Variants in CCDC138 observed in about 807,000 individuals in gnomAD.
The protein encoded by CCDC138 is coiled-coil domain containing 138.
Under a neutral mutation model 82.3 loss-of-function variants are expected in CCDC138, and 66 were observed. The ratio of observed to expected loss-of-function variants is 0.80; its 90% CI spans 0.66 to 0.98. CCDC138 has a LOEUF of 0.98. CCDC138 is among the 50% of genes least tolerant of loss of function. The pLI is 0.00. For synonymous variants in CCDC138, 297 were observed against 265.4 expected (o/e 1.12, Z -1.16); for missense variants, 816 against 758.9 (o/e 1.08, Z -0.88).
At position 108,845,606 on chromosome 2, in the gene CCDC138, C is replaced by T. The variant is rs530456600; in HGVS notation, c.1324-1132C>T. ...TTTTTTTTTGAGATGGAGTCTCGCT[C>T]TGTCACCCAGGCTGGAGTGCAGTGG... On this transcript the variant is annotated intron_variant, in intron 11 of 14. Transcript: ENST00000295124. 2.9e-5 allele frequency among the ~76,000 whole-genome samples: 4 copies of T among 139,206 alleles called. No homozygotes were observed. The East Asian group carries it at 8.3e-4, about 29-fold the overall frequency. 91.3% of individuals were successfully genotyped at this position (139,206 alleles called of 152,430 possible).
intron 12 of CCDC138, among the ~76,000 whole-genome samples, chr2:108,847,906 G>C (rs1305050769): frequency 1.3e-5 from 2 of 152,048 alleles, no homozygotes; most frequent in African/African-American, 2.4e-5. Context: ...CAATAGACTA[G>C]GTGGTTAGTG....
intron 10 of CCDC138, among the ~76,000 whole-genome samples, chr2:108,828,666 C>G (rs910488793): frequency 6.6e-6 from 1 of 152,108 alleles, no homozygotes; most frequent in Non-Finnish European, 1.5e-5. Flanking sequence ...GAGTATGAGC[C>G]TTACCTTATA....
intron 2 of CCDC138, chr2:108,883,609 G>C (rs903406823): frequency 6.6e-6 from 1 of 152,240 alleles, no homozygotes; most frequent in Admixed American, 6.5e-5. Context: ...TCACTGGCTG[G>C]GCTGGAATCT....
intron 7 of CCDC138, among the ~76,000 whole-genome samples, chr2:108,808,579 A>G (rs1683244803): frequency 6.6e-6 from 1 of 152,144 alleles, no homozygotes; most frequent in South Asian, 2.1e-4. Flanking sequence ...ATACCTGATC[A>G]TGGTTTCGAT....
chr2:108,814,704 T>A (rs1684463344), intron 9 of CCDC138, among the ~76,000 whole-genome samples: 1 of 151,398 alleles, frequency 6.6e-6, no homozygotes, highest in Admixed American at 6.6e-5. Context: ...GGTCTCACTC[T>A]GTCACCCAGG....
At chr2:108,874,758 C>T (rs906349792) in intron 14 of CCDC138, among the ~76,000 whole-genome samples, 5 of 152,032 alleles carry the variant, frequency 3.3e-5, no homozygotes, top group Non-Finnish European at 7.4e-5. Flanking sequence ...AAGTTACTAG[C>T]GCTGAATTTA....
rs752941969 is a variant in CCDC138, at chr2:108,876,284, G to T, written c.*31G>T. 1 of 1,271,222 alleles carries T rather than the reference G, an allele frequency of 7.9e-7. No individual in the cohort carries two copies. Among genetic ancestry groups the T allele is most frequent in the Admixed American group, 2.3e-5 (1 of 44,012 alleles). 78.7% of individuals were successfully genotyped at this position (1,271,222 alleles called of 1,614,324 possible). ...CTAATTTTTTAATATAGTATATGTG[G>T]TGCTTATTTATAAACATGTAGAAAT... On this transcript the variant is annotated 3_prime_UTR_variant, in exon 15 of 15. Transcript: ENST00000295124.
chr2:108,798,107 G>C (rs1294685298), intron 5 of CCDC138, among the ~76,000 whole-genome samples: 1 of 152,008 alleles, frequency 6.6e-6, no homozygotes, highest in Non-Finnish European at 1.5e-5. Flanking sequence ...GTAAAATAGT[G>C]GACTATGATG....
In CCDC138 at chr2:108,794,629, C is replaced by G. The variant is rs1266401048; in HGVS notation, c.484C>G (p.Pro162Ala). 1 of 1,613,844 alleles carries G rather than the reference C, an allele frequency of 6.2e-7. No individual in the cohort carries two copies. The highest frequency in any genetic ancestry group is 1.3e-5 in the African/African-American group (1 of 74,864). Reference sequence around the variant, plus strand: ...CTCTCCTTTGAAACCTGTCAGCTGTCCAAAATCTAAAGCATCAGACAAGCG... The same window carrying G: ...CTCTCCTTTGAAACCTGTCAGCTGTGCAAAATCTAAAGCATCAGACAAGCG... ...GDSPLKPVSC[P>A]KSKASDKRSL... Residue 162 changes from proline (P) to alanine (A), a missense_variant, in exon 5 of 15, where the codon CCA becomes GCA. By Grantham distance (27) the Pro-to-Ala change is conservative (BLOSUM62 -1). Transcript: ENST00000295124.
chr2:108,794,022 T>C (rs989274123), intron 4 of CCDC138, among the ~76,000 whole-genome samples: 14 of 152,102 alleles, frequency 9.2e-5, no homozygotes, highest in Non-Finnish European at 1.8e-4. Context: ...GTTTGCAAAA[T>C]AGGATATACA....
At chr2:108,792,299 T>G (rs1282150447) in intron 4 of CCDC138, among the ~76,000 whole-genome samples, 1 of 152,216 alleles carries the variant, frequency 6.6e-6, no homozygotes, top group East Asian at 1.9e-4. Flanking sequence ...CAACATTCAT[T>G]TTCCTCTTTT....
chr2:108,816,829 G>A (rs1057511659), intron 10 of CCDC138, among the ~76,000 whole-genome samples: 2 of 152,220 alleles, frequency 1.3e-5, no homozygotes, highest in Non-Finnish European at 2.9e-5. Context: ...TTTGAGTAGG[G>A]TCTACAGGTA....
At chr2:108,817,035 A>G (rs1285700467) in intron 10 of CCDC138, among the ~76,000 whole-genome samples, 1 of 152,178 alleles carries the variant, frequency 6.6e-6, no homozygotes, top group East Asian at 1.9e-4. Flanking sequence ...CAATACTGTC[A>G]TATTGGGAAT....
intron 6 of CCDC138, 122 bp downstream of exon 6, chr2:108,798,708 TACACAC>T (rs34242205): frequency 0.069 from 28,106 of 408,786 alleles, 5 homozygotes; most frequent in Non-Finnish European, 0.088. Context: ...TCTCCACGCC[TACACAC>T]ACACACACAC....
intron 7 of CCDC138, among the ~76,000 whole-genome samples, chr2:108,805,989 T>G (rs1324749573): frequency 7.1e-6 from 1 of 140,664 alleles, no homozygotes; most frequent in South Asian, 2.4e-4. Context: ...GTATGGATTA[T>G]GTAACTTAAG....
intron 13 of CCDC138, among the ~76,000 whole-genome samples, chr2:108,865,944 T>C (rs547762100): frequency 1.3e-5 from 2 of 152,102 alleles, no homozygotes; most frequent in South Asian, 2.1e-4. Context: ...TAGAAAACTT[T>C]GGACATTAGA....
rs199651386 is a variant in CCDC138 at position 108,876,232 on chromosome 2, G to A, written c.1977G>A (p.Leu659=). 8.1e-6 allele frequency: 13 copies of A among 1,610,774 alleles called. 1 individual carries two copies. In the Admixed American group the frequency reaches 2.2e-4, roughly 27 times the overall value. The change falls in exon 15 of 15, where the codon CTG becomes CTA. Residue 659 remains leucine (L), a synonymous_variant. Coordinates refer to ENST00000295124, the MANE Select transcript of CCDC138 (RefSeq NM_144978.3). ...FNLGLTKCNS[L]VSSASP is the part of the protein sequence containing the mutation. The stretch of plus-strand genomic sequence containing the variant: ...TGGGTTTAACAAAATGTAACTCCCT[G>A]GTCTCCAGTGCAAGCCCTTAGACTG...
At chr2:108,802,442 G>T (rs951495131) in intron 6 of CCDC138, among the ~76,000 whole-genome samples, 2 of 142,488 alleles carry the variant, frequency 1.4e-5, no homozygotes, top group Admixed American at 7.0e-5. Flanking sequence ...TCTGTTGTTG[G>T]TGTATAAGAA....
intron 5 of CCDC138, among the ~76,000 whole-genome samples, chr2:108,796,675 T>C (rs1680969398): frequency 6.6e-6 from 1 of 152,122 alleles, no homozygotes; most frequent in Non-Finnish European, 1.5e-5. Context: ...GACAGCAGCA[T>C]AGATAGAATT....
Sources: allele counts gnomAD v4.1 joint callset (sites outside exome capture counted in the v4.1 genomes callset), GRCh38; gene constraint gnomAD v4.1.1; transcripts MANE v1.5; gene names NCBI Gene and HGNC (gene_info 2026-07-23, HGNC 2026-07-21).